GABRR3: variants seen among roughly 807,000 people sequenced by gnomAD.
The protein encoded by GABRR3 is gamma-aminobutyric acid type A receptor subunit rho3.
GABRR3 carries 29 observed loss-of-function variants against 43.2 expected under a neutral mutation model. That is an observed-to-expected ratio of 0.67 (90% CI 0.50 to 0.92). The LOEUF (loss-of-function observed/expected upper bound fraction) is 0.92. GABRR3 is among the 40% of genes least tolerant of loss of function. The probability of loss-of-function intolerance (pLI) is 0.00; values close to 1 mark genes in which losing one functional copy is unlikely to be tolerated. For synonymous variants in GABRR3, 206 were observed against 195.9 expected (o/e 1.05, Z -0.43); for missense variants, 576 against 572.3 (o/e 1.01, Z -0.07).
At chr3:98,034,610 A>C (rs1707128685) in intron 2 of GABRR3, among the ~76,000 whole-genome samples, 1 of 152,174 alleles carries the variant, frequency 6.6e-6, no homozygotes, top group Admixed American at 6.6e-5. Flanking sequence ...GGATCCTTAC[A>C]TGAACCCTTT....
chr3:97,988,080 G>A (rs866996490), intron 9 of GABRR3, among the ~76,000 whole-genome samples: 2 of 151,804 alleles, frequency 1.3e-5, no homozygotes, highest in South Asian at 2.1e-4. Flanking sequence ...GTTCCAGCCC[G>A]GATGGGGCTT....
At chr3:98,005,453 C>T (rs1231176692) in intron 7 of GABRR3, among the ~76,000 whole-genome samples, 2 of 151,890 alleles carry the variant, frequency 1.3e-5, no homozygotes, top group Non-Finnish European at 2.9e-5. Context: ...TCTTAGGAAC[C>T]AAAATGATAT....
intron 8 of GABRR3, 197 bp downstream of exon 8, chr3:98,001,418 T>A: frequency 1.7e-6 from 1 of 578,916 alleles, no homozygotes; most frequent in South Asian, 2.7e-5. Flanking sequence ...ATCCCTAAAA[T>A]CCGGGTTCCC....
chr3:98,031,426 C>T (rs1707085088), intron 2 of GABRR3, among the ~76,000 whole-genome samples: 1 of 152,124 alleles, frequency 6.6e-6, no homozygotes, highest in Non-Finnish European at 1.5e-5. Flanking sequence ...GAAAATCTGG[C>T]CACACGAGGC....
At chr3:98,013,145 G>A (rs1463162738) in intron 4 of GABRR3, among the ~76,000 whole-genome samples, 1 of 152,182 alleles carries the variant, frequency 6.6e-6, no homozygotes, top group East Asian at 1.9e-4. Context: ...AAAGCATATT[G>A]TGAAATGGTA....
intron 2 of GABRR3, among the ~76,000 whole-genome samples, chr3:98,030,122 A>T (rs1431790397): frequency 6.6e-6 from 1 of 152,032 alleles, no homozygotes; most frequent in African/African-American, 2.4e-5. Flanking sequence ...TGGAAAAAAA[A>T]AAAAAAAGGA....
intron 5 of GABRR3, among the ~76,000 whole-genome samples, chr3:98,011,603 C>A (rs1706792709): frequency 7.1e-6 from 1 of 140,590 alleles, no homozygotes; most frequent in Admixed American, 7.2e-5. Context: ...ATCACGTCTG[C>A]AAGGATTTTT....
rs541665775 is a variant in GABRR3 at position 97,990,577 on chromosome 3, C to A, written c.1104+2275G>T. 6.6e-5 allele frequency among the ~76,000 whole-genome samples: 10 copies of A among 152,214 alleles called. No homozygotes were observed. In the East Asian group the frequency reaches 1.9e-3, roughly 29 times the overall value. On this transcript the variant is annotated intron_variant, in intron 9 of 9. Transcript: ENST00000621172. ...GGACAGGCTGGTCTGGAATTCCTGA[C>A]CTCAAGAAATCCGCCTGCCTTGGCC...
chr3:97,992,891 G>T, exon 9 of GABRR3: 1 of 1,612,962 alleles, frequency 6.2e-7, no homozygotes, highest in South Asian at 1.1e-5. Flanking sequence ...CTTCCACTGT[G>T]GTGAGGTAGT....
At chr3:98,015,090 T>C (rs1706857295) in intron 4 of GABRR3, among the ~76,000 whole-genome samples, 2 of 152,170 alleles carry the variant, frequency 1.3e-5, no homozygotes, top group African/African-American at 4.8e-5. Flanking sequence ...TACGTAAAAA[T>C]GGCCATCAAA....
chr3:98,008,115 C>A (rs1327285338), intron 6 of GABRR3, among the ~76,000 whole-genome samples: 1 of 152,164 alleles, frequency 6.6e-6, no homozygotes, highest in Non-Finnish European at 1.5e-5. Flanking sequence ...ACCCTGATGA[C>A]TAGTATAGTA....
intron 8 of GABRR3, chr3:97,998,322 G>T (rs754562363): frequency 6.6e-6 from 1 of 152,084 alleles, no homozygotes; most frequent in African/African-American, 2.4e-5. Context: ...TGTCTTTTGA[G>T]ATTATGATCC....
At position 97,990,079 on chromosome 3, in the gene GABRR3, G is replaced by C. The variant is rs562684008; in HGVS notation, c.1104+2773C>G. Among the ~76,000 whole-genome samples, 9 of 152,212 alleles carry C rather than the reference G, an allele frequency of 5.9e-5. No individual in the cohort carries two copies. The South Asian group carries it at 1.9e-3, about 32-fold the overall frequency. The stretch of plus-strand genomic sequence containing the variant: ...TCTTCCAAGGCATCTCATCCTATTG[G>C]ATTTGTTCCCACTCTTCCTAGTAAT... On this transcript the variant is annotated intron_variant, in intron 9 of 9. Coordinates refer to ENST00000621172, the Ensembl canonical transcript of GABRR3.
At chr3:98,027,956 C>G (rs1037826237) in intron 2 of GABRR3, among the ~76,000 whole-genome samples, 2 of 150,862 alleles carry the variant, frequency 1.3e-5, no homozygotes, top group Non-Finnish European at 3.0e-5. Flanking sequence ...TTAAAAAAAA[C>G]TACTATCTCC....
chr3:98,012,158 G>T (rs1025781320), intron 5 of GABRR3, among the ~76,000 whole-genome samples, 186 bp downstream of exon 5: 1 of 152,192 alleles, frequency 6.6e-6, no homozygotes, highest in African/African-American at 2.4e-5. Flanking sequence ...AGTTAGAATA[G>T]AAAATCATTT....
intron 4 of GABRR3, 58 bp from the exon 5 acceptor site, chr3:98,012,625 A>G: frequency 1.7e-6 from 2 of 1,176,976 alleles, no homozygotes; most frequent in Non-Finnish European, 1.3e-6. Flanking sequence ...CAGGATGACC[A>G]CTCAACACTG....
chr3:97,991,228 C>A (rs568678070), intron 9 of GABRR3, among the ~76,000 whole-genome samples: 19 of 152,306 alleles, frequency 1.2e-4, no homozygotes, highest in African/African-American at 4.6e-4. Flanking sequence ...AAAATTCTTT[C>A]CCTCCTTACA....
chr3:97,997,883 C>T (rs1706584042), intron 8 of GABRR3: 1 of 152,160 alleles, frequency 6.6e-6, no homozygotes, highest in African/African-American at 2.4e-5. Context: ...AACATTTTTA[C>T]ATACATGCAC....
rs146154451 is a variant in GABRR3, at chr3:98,001,851, C to T, written c.755-84G>A. 1.1e-3 allele frequency: 1,650 copies of T among 1,455,588 alleles called. 3 individuals carry two copies. The highest frequency in any genetic ancestry group is 8.3e-3 in the Middle Eastern group (47 of 5,640). 90.2% of individuals were successfully genotyped at this position (1,455,588 alleles called of 1,614,324 possible). On this transcript the variant is annotated intron_variant, in intron 7 of 9. Coordinates refer to ENST00000621172, the Ensembl canonical transcript of GABRR3. The stretch of plus-strand genomic sequence containing the variant: ...TAGTGAAATGACCTGCTTCTTTAGA[C>T]TCCAAGCTCTTGGGGACACGGAATT...
Sources: allele counts gnomAD v4.1 joint callset (sites outside exome capture counted in the v4.1 genomes callset), GRCh38; gene constraint gnomAD v4.1.1; transcripts MANE v1.5; gene names NCBI Gene and HGNC (gene_info 2026-07-23, HGNC 2026-07-21).